The following SPMIP7 variants were observed in gnomAD, a reference collection of about 807,000 sequenced individuals.
The protein encoded by SPMIP7 is protein SPMIP7.
At chr7:50,147,676 C>T in the SPMIP7 span, among the ~76,000 whole-genome samples, 1 of 152,132 alleles carries the variant, frequency 6.6e-6, no homozygotes, top group East Asian at 1.9e-4. Flanking sequence ...CATCTGTGCT[C>T]CCTTCTTCTG....
chr7:50,101,589 A>G, the SPMIP7 span, among the ~76,000 whole-genome samples: 5 of 152,232 alleles, frequency 3.3e-5, no homozygotes, highest in African/African-American at 1.2e-4. Context: ...CTTAAATTTG[A>G]TGACTCTGCG....
chr7:50,148,145 C>T, the SPMIP7 span, among the ~76,000 whole-genome samples: 1 of 152,124 alleles, frequency 6.6e-6, no homozygotes, highest in African/African-American at 2.4e-5. Context: ...TTGTTATGGC[C>T]ATATGTGCCA....
the SPMIP7 span, among the ~76,000 whole-genome samples, chr7:50,148,564 A>G: frequency 6.6e-6 from 1 of 152,226 alleles, no homozygotes; most frequent in African/African-American, 2.4e-5. Flanking sequence ...TGTAACATGC[A>G]TGGAAGCTTT....
At chr7:50,125,137 C>CAT in the SPMIP7 span, among the ~76,000 whole-genome samples, 1 of 38,920 alleles carries the variant, frequency 2.6e-5, no homozygotes, top group African/African-American at 1.2e-4. Context: ...CACACACACA[C>CAT]ACACATATAC....
the SPMIP7 span, among the ~76,000 whole-genome samples, chr7:50,113,843 A>AT: frequency 3.3e-5 from 5 of 152,064 alleles, no homozygotes; most frequent in Non-Finnish European, 2.9e-5. Context: ...ATCTGTATAA[A>AT]TTTTTTTTAA....
the SPMIP7 span, chr7:50,117,395 G>T: frequency 1.8e-5 from 6 of 335,340 alleles, no homozygotes; most frequent in South Asian, 1.5e-4. Flanking sequence ...TTTAAGACAC[G>T]ACCTTTATTT....
chr7:50,139,811 G>A, the SPMIP7 span, among the ~76,000 whole-genome samples: 1 of 152,136 alleles, frequency 6.6e-6, no homozygotes, highest in Non-Finnish European at 1.5e-5. Flanking sequence ...CAGGTAAATA[G>A]ATAAAGATAC....
chr7:50,137,915 T>C, the SPMIP7 span, among the ~76,000 whole-genome samples: 2 of 152,178 alleles, frequency 1.3e-5, no homozygotes, highest in South Asian at 4.1e-4. Flanking sequence ...CTTGGTAATA[T>C]GAATCAAAGT....
At chr7:50,129,566 G>T in the SPMIP7 span, 1 of 601,156 alleles carries the variant, frequency 1.7e-6, no homozygotes, top group South Asian at 2.0e-5. Flanking sequence ...GAGAGGAAAA[G>T]TAGGGAAGCA....
the SPMIP7 span, among the ~76,000 whole-genome samples, chr7:50,128,348 A>T: frequency 6.6e-6 from 1 of 152,016 alleles, no homozygotes; most frequent in Non-Finnish European, 1.5e-5. Flanking sequence ...GAGGCTGATT[A>T]ATGGGTACAA....
At chr7:50,150,073 A>G in the SPMIP7 span, among the ~76,000 whole-genome samples, 2 of 152,096 alleles carry the variant, frequency 1.3e-5, no homozygotes, top group African/African-American at 2.4e-5. Flanking sequence ...TTGTCACCTG[A>G]TACTTTCAGG....
chr7:50,116,288 G>A, the SPMIP7 span, among the ~76,000 whole-genome samples: 4 of 152,018 alleles, frequency 2.6e-5, no homozygotes, highest in African/African-American at 9.7e-5. Context: ...GCTAATTTTT[G>A]TATTTTTGTG....
At chr7:50,108,218 G>A in the SPMIP7 span, among the ~76,000 whole-genome samples, 1 of 152,136 alleles carries the variant, frequency 6.6e-6, no homozygotes, top group Admixed American at 6.5e-5. Flanking sequence ...CCTTCTCTAT[G>A]AAATAGTAGA....
At chr7:50,102,325 A>G in the SPMIP7 span, among the ~76,000 whole-genome samples, 2 of 152,202 alleles carry the variant, frequency 1.3e-5, no homozygotes, top group East Asian at 1.9e-4. Context: ...CTGTGTCTCA[A>G]ATAAATAAAT....
the SPMIP7 span, among the ~76,000 whole-genome samples, chr7:50,125,135 C>T: frequency 0.016 from 629 of 38,296 alleles, 85 homozygotes; most frequent in African/African-American, 0.044. Context: ...CACACACACA[C>T]ACACACATAT....
chr7:50,123,767 G>A, the SPMIP7 span, among the ~76,000 whole-genome samples: 5 of 150,730 alleles, frequency 3.3e-5, no homozygotes, highest in South Asian at 8.4e-4. Flanking sequence ...TTCTAAAAAA[G>A]CAAAAAGACA....
the SPMIP7 span, among the ~76,000 whole-genome samples, chr7:50,143,620 T>C: frequency 6.6e-6 from 1 of 152,240 alleles, no homozygotes; most frequent in African/African-American, 2.4e-5. Flanking sequence ...TCTGACATGC[T>C]CTGTGTTTTT....
the SPMIP7 span, chr7:50,158,965 T>C: frequency 2.8e-6 from 4 of 1,412,584 alleles, no homozygotes; most frequent in Non-Finnish European, 2.9e-6. Context: ...CGCACAGGGG[T>C]ATCATTAGTT....
chr7:50,135,231 C>T, the SPMIP7 span, among the ~76,000 whole-genome samples: 8 of 152,332 alleles, frequency 5.3e-5, no homozygotes, highest in Middle Eastern at 3.4e-3. Flanking sequence ...TCTGTGCTTG[C>T]GAAGTACCTT....
Sources: allele counts gnomAD v4.1 joint callset (sites outside exome capture counted in the v4.1 genomes callset), GRCh38; gene constraint gnomAD v4.1.1; transcripts MANE v1.5; gene names NCBI Gene and HGNC (gene_info 2026-07-23, HGNC 2026-07-21).